The following ACACB variants were observed in gnomAD, a reference collection of about 807,000 sequenced individuals.
The protein encoded by ACACB is acetyl-CoA carboxylase 2.
Under a neutral mutation model 278.8 loss-of-function variants are expected in ACACB, and 209 were observed. That is an observed-to-expected ratio of 0.75 (90% CI 0.67 to 0.84). The LOEUF (loss-of-function observed/expected upper bound fraction) is 0.84. Ranked by LOEUF, ACACB falls within the 40% of genes least tolerant of loss-of-function variation. The pLI, the probability that ACACB is intolerant of heterozygous loss-of-function variation, is 0.00. For missense variants in ACACB, 2,850 were observed against 3,269.0 expected, an observed-to-expected ratio of 0.87 and a Z score of 3.13; for synonymous variants, 1,174 against 1,285.6, an observed-to-expected ratio of 0.91 and a Z score of 1.86.
chr12:109,229,676 T>G (rs529488736), intron 28 of ACACB, among the ~76,000 whole-genome samples: 2 of 152,114 alleles, frequency 1.3e-5, no homozygotes, highest in Non-Finnish European at 2.9e-5. Flanking sequence ...ACCACAGTCA[T>G]GCACCACCAA....
chr12:109,191,513 C>CA (rs1437257693), intron 13 of ACACB, 100 bp from the exon 14 acceptor site: 4 of 1,482,536 alleles, frequency 2.7e-6, no homozygotes, highest in African/African-American at 1.4e-5. Flanking sequence ...CACACCCGGC[C>CA]ACTCCTGTGC....
At chr12:109,144,754 C>CTTT (rs71079528) in intron 2 of ACACB, among the ~76,000 whole-genome samples, 2 of 102,818 alleles carry the variant, frequency 1.9e-5, no homozygotes, top group East Asian at 5.8e-4. Flanking sequence ...TTCTTTCTTT[C>CTTT]TTTTTTTTTT....
chr12:109,204,648 C>T (rs902752602), intron 19 of ACACB, among the ~76,000 whole-genome samples: 5 of 151,980 alleles, frequency 3.3e-5, no homozygotes, highest in African/African-American at 7.3e-5. Flanking sequence ...CCACCAGCCC[C>T]ACTACCCTTC....
At position 109,216,641 on chromosome 12, in the gene ACACB, A is replaced by C; in HGVS notation, c.3374A>C (p.Tyr1125Ser). ...VQRYRSGIRG[Y>S]MKTVVLDLLR... ...AGATACCGCAGCGGGATCCGCGGCTATATGAAAACAGTGGTGTTGGATCTC... is the reference window on the plus strand; with the variant it reads ...AGATACCGCAGCGGGATCCGCGGCTCTATGAAAACAGTGGTGTTGGATCTC... The change falls in exon 23 of 53, where the codon TAT (tyrosine) becomes TCT (serine). Residue 1125 changes from tyrosine (Y) to serine (S), a missense_variant. This residue lies in a region of ACACB where 2,265 missense variants were observed against 2,561.3 expected (regional missense o/e 0.88). Transcript: ENST00000338432. The C allele has an allele frequency of 6.2e-7, 1 of 1,614,244 alleles. No homozygotes were observed. The highest frequency in any genetic ancestry group is 8.5e-7 in the Non-Finnish European group (1 of 1,180,038).
Position 109,235,362 on chromosome 12 carries a change from C to A in ACACB, c.4397C>A (p.Ala1466Asp), listed in dbSNP as rs370218754. The change falls in exon 32 of 53, where the codon GCC becomes GAC. Residue 1466 changes from alanine (A) to aspartate (D), a missense_variant. Around this residue, in one of 3 missense-constraint regions of ACACB, gnomAD observed 2,265 missense variants for 2,561.3 expected, o/e 0.88. Transcript: ENST00000338432. ...YGLRRITFLIAQEKEFPKFFT... is the reference protein window; with the variant it reads ...YGLRRITFLIDQEKEFPKFFT... The stretch of plus-strand genomic sequence containing the variant: ...CTCCGACGAATCACATTCTTGATTG[C>A]CCAAGAGGTTAGTTCACAGTTCATC... The A allele has an allele frequency of 2.4e-5, 38 of 1,613,790 alleles. No individual in the cohort carries two copies. The highest frequency in any genetic ancestry group is 3.1e-5 in the Non-Finnish European group (36 of 1,179,720).
chr12:109,259,939 C>A (rs1219600708), intron 47 of ACACB: 8 of 589,264 alleles, frequency 1.4e-5, no homozygotes, highest in Middle Eastern at 3.2e-4. Flanking sequence ...CAGTTTCCCT[C>A]CTTTGTAAAA....
intron 2 of ACACB, among the ~76,000 whole-genome samples, chr12:109,153,072 T>C (rs1167636887): frequency 1.3e-5 from 2 of 152,120 alleles, no homozygotes; most frequent in Non-Finnish European, 2.9e-5. Flanking sequence ...CTTAAACCTC[T>C]GCCTCGTGGG....
In ACACB at chr12:109,266,369, C is replaced by G; in HGVS notation, c.*7C>G. The G allele has an allele frequency of 6.3e-7, 1 of 1,599,492 alleles. No individual in the cohort carries two copies. The highest frequency in any genetic ancestry group is 8.5e-7 in the Non-Finnish European group (1 of 1,175,074). ...CAGCCCGGCCTCCACCTGACCGTGG[C>G]CCGCCCAGCCACTCCCGGGACCACG... On this transcript the variant is annotated 3_prime_UTR_variant, in exon 53 of 53. Transcript: ENST00000338432.
chr12:109,253,519 A>G (rs2047150184), intron 43 of ACACB, among the ~76,000 whole-genome samples: 1 of 152,148 alleles, frequency 6.6e-6, no homozygotes, highest in Non-Finnish European at 1.5e-5. Flanking sequence ...AGACACTGGG[A>G]GAGTCCCTAA....
chr12:109,258,047 C>T (rs1310336551), intron 45 of ACACB, among the ~76,000 whole-genome samples: 1 of 152,226 alleles, frequency 6.6e-6, no homozygotes, highest in African/African-American at 2.4e-5. Flanking sequence ...TATACCATCC[C>T]AGCCCTCCTC....
At chr12:109,201,442 G>T in intron 18 of ACACB, 125 bp from the exon 19 acceptor site, 1 of 1,145,396 alleles carries the variant, frequency 8.7e-7, no homozygotes. Context: ...CACTACCCAG[G>T]GAGTCATTCT....
chr12:109,138,570 TAA>T (rs35532847), intron 1 of ACACB, among the ~76,000 whole-genome samples: 159 of 149,838 alleles, frequency 1.1e-3, no homozygotes, highest in African/African-American at 3.4e-3. Flanking sequence ...TAAGAGTCTT[TAA>T]AAAAAAAAAA....
chr12:109,176,058 G>A lies in ACACB; in HGVS notation c.1326+18G>A, dbSNP rs781021969. On this transcript the variant is annotated intron_variant, in intron 8 of 52. Transcript: ENST00000338432. ...GCTTGGAGGTAAATGCAGAGCCTGT[G>A]GGGGCCAGGGGAGCCAGAACCGAAC... The A allele has an allele frequency of 9.9e-6, 16 of 1,613,160 alleles. No homozygotes were observed. The highest frequency in any genetic ancestry group is 1.3e-5 in the African/African-American group (1 of 74,902).
chr12:109,128,272 C>T (rs1219706614), intron 1 of ACACB, among the ~76,000 whole-genome samples: 3 of 152,172 alleles, frequency 2.0e-5, no homozygotes, highest in African/African-American at 7.2e-5. Context: ...CCTCAGCCTC[C>T]CTAGTAGCTG....
In ACACB at chr12:109,213,070, A is replaced by G. The variant is rs112150755; in HGVS notation, c.3350+134A>G. 4,059 of 676,962 alleles carry G rather than the reference A, an allele frequency of 6.0e-3. 94 individuals carry two copies. The highest frequency in any genetic ancestry group is 0.049 in the African/African-American group (2,730 of 55,648). The allele number at this position is 676,962 out of a possible 1,614,324, so 41.9% of individuals were successfully genotyped here. A position where few individuals can be genotyped will look rare whatever the true frequency, so the allele number is the denominator to read the frequency against. On this transcript the variant is annotated intron_variant, in intron 22 of 52. Transcript: ENST00000338432. ...AAGTGTGTTATAGTCCTGCAGTGCC[A>G]TTACTAACAGCAGAACCCTGGGTGA...
Position 109,223,837 on chromosome 12 carries a change from C to A in ACACB, c.3815C>A (p.Thr1272Asn). 6.2e-7 allele frequency: 1 copy of A among 1,614,064 alleles called. No homozygotes were observed. Among genetic ancestry groups the A allele is most frequent in the Non-Finnish European group, 8.5e-7 (1 of 1,179,928 alleles). ...NLKKLILSETTIFDVLPTFFY... is the reference protein window; with the variant it reads ...NLKKLILSETNIFDVLPTFFY... The stretch of plus-strand genomic sequence containing the variant: ...TAGAAATTAATACTTTCGGAAACAA[C>A]CATCTTCGACGTCCTGCCTACTTTC... The change falls in exon 27 of 53, where the codon ACC (threonine) becomes AAC (asparagine). Residue 1272 changes from threonine (T) to asparagine (N), a missense_variant. This residue lies in a region of ACACB where 2,265 missense variants were observed against 2,561.3 expected (regional missense o/e 0.88). Transcript: ENST00000338432.
At chr12:109,138,506 T>G (rs1029198880) in intron 1 of ACACB, among the ~76,000 whole-genome samples, 1 of 151,890 alleles carries the variant, frequency 6.6e-6, no homozygotes, top group African/African-American at 2.4e-5. Context: ...ACTAGAATGA[T>G]GATGATGATG....
At chr12:109,121,982 T>C (rs1442887428) in intron 1 of ACACB, among the ~76,000 whole-genome samples, 5 of 152,108 alleles carry the variant, frequency 3.3e-5, no homozygotes, top group Non-Finnish European at 7.4e-5. Context: ...GTGGGGACAC[T>C]GAAGCCAACC....
Position 109,176,269 on chromosome 12 carries a change from C to A in ACACB, c.1437+6C>A. The A allele has an allele frequency of 6.2e-7, 1 of 1,610,910 alleles. No individual in the cohort carries two copies. The highest frequency in any genetic ancestry group is 8.5e-7 in the Non-Finnish European group (1 of 1,177,054). Reference sequence around the variant, plus strand: ...TCCCGATCCTTTTCAGACAAGTGAGCAGTTCTTGCTGTGTCTTTTCGCATC... The same window carrying A: ...TCCCGATCCTTTTCAGACAAGTGAGAAGTTCTTGCTGTGTCTTTTCGCATC... On this transcript the variant is annotated splice_donor_region_variant and intron_variant, in intron 9 of 52. Coordinates refer to ENST00000338432, the MANE Select transcript of ACACB (RefSeq NM_001093.4).
Sources: gnomAD v4.1 joint callset for allele counts (sites outside exome capture counted in the v4.1 genomes callset) on GRCh38, gnomAD v4.1.1 for gene constraint, gnomAD v4.1.1 regional missense constraint, MANE v1.5 for transcripts, NCBI Gene and HGNC (gene_info 2026-07-23, HGNC 2026-07-21) for gene names.